The following CTNNA2 variants were observed in gnomAD, a reference collection of about 807,000 sequenced individuals.
CTNNA2 encodes the protein catenin alpha 2.
Under a neutral mutation model 101.0 loss-of-function variants are expected in CTNNA2, and 42 were observed. That is an observed-to-expected ratio of 0.42 (90% CI 0.32 to 0.54). CTNNA2 has a LOEUF of 0.54. Ranked by LOEUF, CTNNA2 falls within the 20% of genes least tolerant of loss-of-function variation. The pLI is 0.14. For missense variants in CTNNA2, 871 were observed against 1,223.1 expected, an observed-to-expected ratio of 0.71 and a Z score of 4.29; for synonymous variants, 450 against 456.4, an observed-to-expected ratio of 0.99 and a Z score of 0.18.
intron 3 of CTNNA2, among the ~76,000 whole-genome samples, chr2:79,850,312 T>G: frequency 1.1e-5 from 1 of 95,102 alleles, no homozygotes; most frequent in Non-Finnish European, 1.9e-5. Context: ...CCTCCCTTCC[T>G]TTCTTCCTTC....
In CTNNA2 at chr2:79,691,541, A is replaced by T. The variant is rs575763917; in HGVS notation, c.102+39883A>T. Among the ~76,000 whole-genome samples, 33 of 152,108 alleles carry T rather than the reference A, an allele frequency of 2.2e-4. 1 individual carries two copies. Among genetic ancestry groups the T allele is most frequent in the Non-Finnish European group, 5.9e-5 (4 of 67,998 alleles). On this transcript the variant is annotated intron_variant, in intron 2 of 18. Transcript: ENST00000402739. Reference sequence around the variant, plus strand: ...AAAAACTACTTTAAAATTCATACGGAACCAAAAAAGAGTCTGTATAGCCAG... The same window carrying T: ...AAAAACTACTTTAAAATTCATACGGTACCAAAAAAGAGTCTGTATAGCCAG...
At chr2:79,546,978 G>C (rs1673772179) in intron 1 of CTNNA2, among the ~76,000 whole-genome samples, 1 of 90,120 alleles carries the variant, frequency 1.1e-5, no homozygotes, top group African/African-American at 4.5e-5. Context: ...GAAATTTGTG[G>C]AATTTGTGAA....
At chr2:80,581,917 A>G (rs1695576731) in intron 14 of CTNNA2, 98 bp downstream of exon 14, 1 of 700,480 alleles carries the variant, frequency 1.4e-6, no homozygotes. Flanking sequence ...GGTACCCCAG[A>G]GATTCATGGG....
chr2:79,338,572 C>CTTA (rs1677050201), intron 3 of CTNNA2, among the ~76,000 whole-genome samples: 3 of 127,162 alleles, frequency 2.4e-5, no homozygotes, highest in African/African-American at 9.2e-5. Flanking sequence ...CTTCTTCCTC[C>CTTA]TCATCATCTT....
At chr2:79,882,940 G>A (rs982735358) in intron 6 of CTNNA2, among the ~76,000 whole-genome samples, 6 of 150,660 alleles carry the variant, frequency 4.0e-5, no homozygotes, top group African/African-American at 1.5e-4. Context: ...GGCTGGGGGT[G>A]GGGGCTCCCA....
chr2:79,237,796 C>T (rs1674575927), intron 2 of CTNNA2, among the ~76,000 whole-genome samples: 1 of 152,206 alleles, frequency 6.6e-6, no homozygotes, highest in Admixed American at 6.5e-5. Context: ...CTGCAGCTTC[C>T]TTTCCTCTCT....
intron 3 of CTNNA2, among the ~76,000 whole-genome samples, chr2:79,769,803 C>A (rs1399290417): frequency 6.6e-6 from 1 of 152,112 alleles, no homozygotes; most frequent in African/African-American, 2.4e-5. Flanking sequence ...ATTATTATTA[C>A]GTTTGTTATT....
chr2:79,322,113 G>C (rs1032779024), intron 3 of CTNNA2, among the ~76,000 whole-genome samples: 4 of 152,202 alleles, frequency 2.6e-5, no homozygotes, highest in African/African-American at 9.7e-5. Flanking sequence ...TAATAAAGCT[G>C]TTTTATAGGC....
chr2:79,744,251 C>T (rs1179699975), intron 2 of CTNNA2, 136 bp from the exon 3 acceptor site: 3 of 751,968 alleles, frequency 4.0e-6, no homozygotes, highest in East Asian at 2.7e-5. Context: ...TGTGAGGAGG[C>T]TAAGTGATGT....
At chr2:80,573,052 A>G (rs1055544459) in intron 12 of CTNNA2, 4 of 152,236 alleles carry the variant, frequency 2.6e-5, no homozygotes, top group Non-Finnish European at 4.4e-5. Context: ...ATATTAAAGT[A>G]TCCACAGAGG....
chr2:80,225,918 CA>C (rs1708863751), intron 7 of CTNNA2, among the ~76,000 whole-genome samples: 1 of 151,890 alleles, frequency 6.6e-6, no homozygotes, highest in Non-Finnish European at 1.5e-5. Context: ...CTATAACAAC[CA>C]AAAATACTGA....
intron 7 of CTNNA2, among the ~76,000 whole-genome samples, chr2:80,149,774 T>TCACA (rs10595115): frequency 0.045 from 6,422 of 143,296 alleles, 162 homozygotes; most frequent in Admixed American, 0.061. Context: ...TTAGAATGGA[T>TCACA]CACACACACA....
intron 7 of CTNNA2, among the ~76,000 whole-genome samples, chr2:79,964,977 A>G (rs535821966): frequency 6.6e-6 from 1 of 152,350 alleles, no homozygotes; most frequent in East Asian, 1.9e-4. Flanking sequence ...GGCAAGGGAT[A>G]CCTGAAATGT....
At position 80,600,047 on chromosome 2, in the gene CTNNA2, A is replaced by G. The variant is rs575297880; in HGVS notation, c.2190-4027A>G. The stretch of plus-strand genomic sequence containing the variant: ...CATTCTGTGTTTATATTTTATAGTA[A>G]TACATTTACTTATACAGAATTTAAA... On this transcript the variant is annotated intron_variant, in intron 15 of 18. Transcript: ENST00000402739. Among the ~76,000 whole-genome samples the G allele has an allele frequency of 5.3e-5, 8 of 151,830 alleles. No homozygotes were observed. In the South Asian group the frequency reaches 1.7e-3, roughly 32 times the overall value.
chr2:79,574,755 A>G (rs1675682702), intron 1 of CTNNA2, among the ~76,000 whole-genome samples: 1 of 152,128 alleles, frequency 6.6e-6, no homozygotes, highest in African/African-American at 2.4e-5. Context: ...GCTGGGTGAA[A>G]TGGTTATTCT....
At chr2:80,235,857 A>G (rs997413309) in intron 7 of CTNNA2, among the ~76,000 whole-genome samples, 1 of 152,166 alleles carries the variant, frequency 6.6e-6, no homozygotes. Context: ...GGTTTGTTAC[A>G]TAAGTAAACT....
chr2:80,338,291 T>C (rs1430714762), intron 7 of CTNNA2, among the ~76,000 whole-genome samples: 1 of 134,644 alleles, frequency 7.4e-6, no homozygotes, highest in African/African-American at 3.2e-5. Flanking sequence ...ACCTGGCCTT[T>C]TTTTCTTTTT....
chr2:80,460,995 C>T (rs1684376719), intron 9 of CTNNA2, among the ~76,000 whole-genome samples: 1 of 152,186 alleles, frequency 6.6e-6, no homozygotes, highest in Non-Finnish European at 1.5e-5. Context: ...TGGGAGAAGA[C>T]TTTCTAACCG....
At chr2:80,330,584 G>A (rs148406053) in intron 7 of CTNNA2, among the ~76,000 whole-genome samples, 62 of 151,794 alleles carry the variant, frequency 4.1e-4, no homozygotes, top group African/African-American at 8.0e-4. Context: ...CAATCAGGCC[G>A]TTTAAGCCAG....
Sources: gnomAD v4.1 joint callset for allele counts (sites outside exome capture counted in the v4.1 genomes callset) on GRCh38, gnomAD v4.1.1 for gene constraint, MANE v1.5 for transcripts, NCBI Gene and HGNC (gene_info 2026-07-23, HGNC 2026-07-21) for gene names.